Variants in RALYL observed in about 807,000 individuals in gnomAD.
RALYL encodes the protein RNA-binding Raly-like protein.
RALYL carries 29 observed loss-of-function variants against 35.1 expected under a neutral mutation model. The observed-to-expected ratio is 0.83, with a 90% confidence interval of 0.61 to 1.13. The LOEUF is 1.13. RALYL is among the 50% of genes most tolerant of loss of function. The pLI, the probability that RALYL is intolerant of heterozygous loss-of-function variation, is 0.00. For missense variants in RALYL, 359 were observed against 360.4 expected (o/e 1.00, Z 0.03); for synonymous variants, 120 against 127.6 (o/e 0.94, Z 0.40).
intron 2 of RALYL, among the ~76,000 whole-genome samples, chr8:84,633,473 A>T (rs537106819): frequency 6.6e-6 from 1 of 152,058 alleles, no homozygotes; most frequent in South Asian, 2.1e-4. Flanking sequence ...GAATTGAAAT[A>T]CAGCAACTTT....
chr8:84,896,984 C>G (rs889697655), intron 8 of RALYL, among the ~76,000 whole-genome samples: 3 of 151,988 alleles, frequency 2.0e-5, no homozygotes, highest in Non-Finnish European at 4.4e-5. Flanking sequence ...ATGAAATGTA[C>G]CAAAAAGTGT....
chr8:84,727,584 C>G (rs1589225326), intron 2 of RALYL, among the ~76,000 whole-genome samples: 1 of 151,682 alleles, frequency 6.6e-6, no homozygotes, highest in Non-Finnish European at 1.5e-5. Context: ...AACTCGTCAT[C>G]TAGCAATAGG....
intron 1 of RALYL, among the ~76,000 whole-genome samples, chr8:84,309,269 A>G (rs1399548171): frequency 5.3e-5 from 8 of 151,488 alleles, no homozygotes; most frequent in Non-Finnish European, 1.0e-4. Flanking sequence ...GAACAAATAC[A>G]TATTATTTTT....
chr8:84,419,472 C>T (rs1263538507), intron 1 of RALYL, among the ~76,000 whole-genome samples: 1 of 152,042 alleles, frequency 6.6e-6, no homozygotes, highest in Non-Finnish European at 1.5e-5. Flanking sequence ...TTGTCTTCAT[C>T]TAATAATTTA....
chr8:84,453,844 G>T (rs1413580653), intron 1 of RALYL, among the ~76,000 whole-genome samples: 2 of 151,962 alleles, frequency 1.3e-5, no homozygotes, highest in African/African-American at 2.4e-5. Flanking sequence ...AGCAGAGAAA[G>T]AATATTTTAA....
At chr8:84,619,606 A>C (rs1487541582) in intron 2 of RALYL, among the ~76,000 whole-genome samples, 6 of 147,596 alleles carry the variant, frequency 4.1e-5, no homozygotes, top group Non-Finnish European at 8.9e-5. Flanking sequence ...TAAAGTTAAT[A>C]TTGTTATGTG....
chr8:84,694,425 T>C (rs995706155), intron 2 of RALYL, among the ~76,000 whole-genome samples: 3 of 151,834 alleles, frequency 2.0e-5, no homozygotes, highest in African/African-American at 7.2e-5. Flanking sequence ...ACCTGTATAA[T>C]GAGAACTATA....
At chr8:84,313,949 A>G (rs1843274518) in intron 1 of RALYL, among the ~76,000 whole-genome samples, 1 of 152,114 alleles carries the variant, frequency 6.6e-6, no homozygotes, top group Admixed American at 6.5e-5. Flanking sequence ...GTATTAGTTC[A>G]TTCTCACACT....
intron 1 of RALYL, among the ~76,000 whole-genome samples, chr8:84,187,604 T>C (rs1318275090): frequency 5.9e-5 from 9 of 152,086 alleles, no homozygotes; most frequent in Non-Finnish European, 1.2e-4. Flanking sequence ...TTTTCTCTAA[T>C]TTATATGAAA....
chr8:84,667,556 T>TTTC (rs1832333863), intron 2 of RALYL, among the ~76,000 whole-genome samples: 1 of 152,164 alleles, frequency 6.6e-6, no homozygotes, highest in South Asian at 2.1e-4. Context: ...GGTACTTGAA[T>TTTC]ATCAGTTAAA....
At chr8:84,737,645 A>C (rs1847556072) in intron 2 of RALYL, among the ~76,000 whole-genome samples, 1 of 152,002 alleles carries the variant, frequency 6.6e-6, no homozygotes, top group African/African-American at 2.4e-5. Flanking sequence ...TCACAGACTA[A>C]ATGTTTGTGT....
At chr8:84,655,725 T>C (rs2131591061) in intron 2 of RALYL, among the ~76,000 whole-genome samples, 1 of 152,064 alleles carries the variant, frequency 6.6e-6, no homozygotes, top group South Asian at 2.1e-4. Context: ...AGTGGGGAAG[T>C]GTTTGGGGTC....
chr8:84,684,556 G>A (rs1296623709), intron 2 of RALYL, among the ~76,000 whole-genome samples: 1 of 152,148 alleles, frequency 6.6e-6, no homozygotes, highest in East Asian at 1.9e-4. Flanking sequence ...ATGAATTTGT[G>A]TGGACAAAAG....
At chr8:84,844,858 T>G (rs1212586502) in intron 4 of RALYL, among the ~76,000 whole-genome samples, 3 of 151,902 alleles carry the variant, frequency 2.0e-5, no homozygotes, top group Non-Finnish European at 4.4e-5. Context: ...CCCAGCAAAC[T>G]ATGGCAAGGA....
chr8:84,328,788 C>G (rs1378952624), intron 1 of RALYL, among the ~76,000 whole-genome samples: 1 of 152,114 alleles, frequency 6.6e-6, no homozygotes, highest in Non-Finnish European at 1.5e-5. Flanking sequence ...TCCCCAGTGT[C>G]TATCATTATC....
chr8:84,292,737 C>G (rs1839001347), intron 1 of RALYL, among the ~76,000 whole-genome samples: 2 of 152,114 alleles, frequency 1.3e-5, no homozygotes. Flanking sequence ...TTTATATGGT[C>G]TAAAAAGGGG....
At chr8:84,798,436 C>T (rs1822442509) in intron 3 of RALYL, among the ~76,000 whole-genome samples, 2 of 152,164 alleles carry the variant, frequency 1.3e-5, no homozygotes, top group South Asian at 2.1e-4. Flanking sequence ...ATTTATTTCT[C>T]ACAGTAGCTC....
At chr8:84,416,536 T>C (rs1480244957) in intron 1 of RALYL, among the ~76,000 whole-genome samples, 1 of 152,172 alleles carries the variant, frequency 6.6e-6, no homozygotes, top group Non-Finnish European at 1.5e-5. Flanking sequence ...AGAGGGAAAC[T>C]GGAAAGTGAC....
intron 2 of RALYL, among the ~76,000 whole-genome samples, chr8:84,736,930 G>T (rs1847420468): frequency 6.6e-6 from 1 of 151,882 alleles, no homozygotes; most frequent in African/African-American, 2.4e-5. Context: ...AATCCTACTT[G>T]CTATTCAACA....
Sources: gnomAD v4.1 joint callset for allele counts (sites outside exome capture counted in the v4.1 genomes callset) on GRCh38, gnomAD v4.1.1 for gene constraint, MANE v1.5 for transcripts, NCBI Gene and HGNC (gene_info 2026-07-23, HGNC 2026-07-21) for gene names.